The following EXOC4 variants were observed in gnomAD, a reference collection of about 807,000 sequenced individuals.
The protein encoded by EXOC4 is exocyst complex component 4.
A neutral mutation model predicts 107.2 loss-of-function variants in EXOC4; 71 were observed. The ratio of observed to expected loss-of-function variants is 0.66; its 90% CI spans 0.55 to 0.81. The LOEUF (loss-of-function observed/expected upper bound fraction) is 0.81, where lower values mean the gene tolerates loss of function less well. EXOC4 is among the 30% of genes least tolerant of loss of function. EXOC4 has a pLI of 0.00. For synonymous variants in EXOC4, 456 were observed against 441.2 expected, an observed-to-expected ratio of 1.03 and a Z score of -0.42; for missense variants, 1,108 against 1,189.6, an observed-to-expected ratio of 0.93 and a Z score of 1.01.
rs569679408 is a variant in EXOC4, at chr7:133,895,655, G to C, written c.1791G>C (p.Leu597Phe). ...VQDLLNLMHD[L>F]SAYSDQFLNM... ...ACCTCCTGAACCTGATGCATGACTTGAGTGCATATTCAGATCAATTCCTCA... is the reference window on the plus strand; with the variant it reads ...ACCTCCTGAACCTGATGCATGACTTCAGTGCATATTCAGATCAATTCCTCA... Residue 597 changes from leucine (L) to phenylalanine (F), a missense_variant, in exon 12 of 18, where the codon TTG becomes TTC. By Grantham distance (22) the Leu-to-Phe change is conservative (BLOSUM62 0). Transcript: ENST00000253861. The C allele has an allele frequency of 6.2e-7, 1 of 1,613,772 alleles. No homozygotes were observed. Among genetic ancestry groups the C allele is most frequent in the South Asian group, 1.1e-5 (1 of 91,072 alleles).
chr7:134,069,800 G>C (rs1796247755), downstream of EXOC4, among the ~76,000 whole-genome samples: 1 of 152,134 alleles, frequency 6.6e-6, no homozygotes, highest in Non-Finnish European at 1.5e-5. Flanking sequence ...GGAACTAATG[G>C]ATTCCCACCC....
intron 9 of EXOC4, among the ~76,000 whole-genome samples, chr7:133,537,179 C>T (rs746162465): frequency 4.6e-5 from 7 of 151,406 alleles, no homozygotes; most frequent in Non-Finnish European, 8.8e-5. Flanking sequence ...GAGATGGAGT[C>T]TCACTCTGTC....
At chr7:133,331,666 C>T (rs920847819) in intron 5 of EXOC4, among the ~76,000 whole-genome samples, 20 of 151,886 alleles carry the variant, frequency 1.3e-4, no homozygotes, top group African/African-American at 4.6e-4. Flanking sequence ...GGGGTTTCAC[C>T]GTGTTAGCCA....
chr7:133,412,465 A>G (rs945200296), intron 7 of EXOC4, among the ~76,000 whole-genome samples: 5 of 151,882 alleles, frequency 3.3e-5, no homozygotes, highest in African/African-American at 1.2e-4. Context: ...TTTCAGGTAT[A>G]AAGTGTTGTG....
At chr7:133,509,009 G>T (rs1799716685) in intron 9 of EXOC4, among the ~76,000 whole-genome samples, 1 of 152,104 alleles carries the variant, frequency 6.6e-6, no homozygotes, top group Non-Finnish European at 1.5e-5. Context: ...GAAACTGCTG[G>T]TTGCTTAGTA....
rs10688501 is a variant in EXOC4 at position 133,380,239 on chromosome 7, AAAAATAAAATAAAAT to A, written c.1182+5278_1182+5292del. Among the ~76,000 whole-genome samples, 1,000 of 137,796 alleles carry A rather than the reference AAAAATAAAATAAAAT, an allele frequency of 7.3e-3. 7 individuals are homozygous for A. The highest frequency in any genetic ancestry group is 0.016 in the African/African-American group (616 of 37,708). 90.4% of individuals were successfully genotyped at this position (137,796 alleles called of 152,430 possible). A position where few individuals can be genotyped will look rare whatever the true frequency, so the allele number is the denominator to read the frequency against. On this transcript the variant is annotated intron_variant, in intron 7 of 17. Coordinates refer to ENST00000253861, the MANE Select transcript of EXOC4 (RefSeq NM_021807.4). ...TGTACCCTAGAACTTAAAGTATAAT[AAAAATAAAATAAAAT>A]AAAATAAAATAAAATAAAATAAAAT...
chr7:133,297,813 C>T (rs773458328), intron 3 of EXOC4, among the ~76,000 whole-genome samples: 8 of 152,160 alleles, frequency 5.3e-5, no homozygotes, highest in Non-Finnish European at 1.0e-4. Context: ...TTAATGCATA[C>T]CGGTTTTAAT....
intron 11 of EXOC4, among the ~76,000 whole-genome samples, chr7:133,852,356 G>A (rs1798255823): frequency 1.3e-5 from 2 of 151,830 alleles, no homozygotes; most frequent in African/African-American, 4.8e-5. Flanking sequence ...CCGAGTAGCT[G>A]GGATTACATA....
intron 5 of EXOC4, among the ~76,000 whole-genome samples, chr7:133,326,113 C>T (rs1387692565): frequency 6.6e-6 from 1 of 152,188 alleles, no homozygotes; most frequent in Non-Finnish European, 1.5e-5. Flanking sequence ...AGCCATTCGT[C>T]TAATCTTTTT....
chr7:133,368,731 G>A lies in EXOC4; in HGVS notation c.1008-6097G>A, dbSNP rs116660826. Among the ~76,000 whole-genome samples the A allele has an allele frequency of 6.9e-3, 1,043 of 152,262 alleles. 8 individuals are homozygous for A. Among genetic ancestry groups the A allele is most frequent in the African/African-American group, 0.024 (1,012 of 41,542 alleles). On this transcript the variant is annotated intron_variant, in intron 6 of 17. Transcript: ENST00000253861. ...ATTAATATTTTCTTTCACTAACTGT[G>A]ATGCTGCATTGAGTATTACTACATA...
At chr7:133,944,116 A>G (rs570562874) in intron 14 of EXOC4, among the ~76,000 whole-genome samples, 1 of 152,282 alleles carries the variant, frequency 6.6e-6, no homozygotes, top group African/African-American at 2.4e-5. Context: ...CAAGTAATGA[A>G]TCAATATTGA....
rs146531749 is a variant in EXOC4, at chr7:133,817,391, T to G, written c.1581T>G (p.Phe527Leu). Reference protein sequence around the residue: ...GPAKQCPLREFLTVYIKNIFL... With the variant: ...GPAKQCPLRELLTVYIKNIFL... ...CCAAACAGTGTCCTCTTCGAGAGTT[T>G]CTCACCGTGTACATCAAAAACATCT... The change falls in exon 11 of 18, where the codon TTT becomes TTG. Residue 527 changes from phenylalanine (F) to leucine (L), a missense_variant. By Grantham distance (22) the Phe-to-Leu change is conservative. Coordinates refer to ENST00000253861, the MANE Select transcript of EXOC4 (RefSeq NM_021807.4). 8.1e-6 allele frequency: 13 copies of G among 1,614,028 alleles called. No homozygotes were observed. In the African/African-American group the frequency reaches 1.2e-4, roughly 15 times the overall value.
chr7:133,486,408 T>C (rs1032233792), intron 9 of EXOC4, among the ~76,000 whole-genome samples: 60 of 152,332 alleles, frequency 3.9e-4, no homozygotes, highest in African/African-American at 1.3e-3. Flanking sequence ...TATTTCACTT[T>C]TGCACACATT....
chr7:133,677,354 A>C (rs778112935), intron 10 of EXOC4, among the ~76,000 whole-genome samples: 4 of 152,288 alleles, frequency 2.6e-5, no homozygotes, highest in African/African-American at 9.6e-5. Flanking sequence ...GATTTGTTCC[A>C]TGATTTCATC....
intron 17 of EXOC4, among the ~76,000 whole-genome samples, chr7:134,035,180 G>A (rs925213843): frequency 1.1e-4 from 16 of 151,576 alleles, no homozygotes; most frequent in Non-Finnish European, 1.6e-4. Flanking sequence ...GGAGTAGCTG[G>A]GATTACAGGC....
chr7:133,669,004 A>ATTTTAT (rs1793879805), intron 10 of EXOC4, among the ~76,000 whole-genome samples: 1 of 118,450 alleles, frequency 8.4e-6, no homozygotes, highest in Admixed American at 9.6e-5. Flanking sequence ...TGTTCTCCCA[A>ATTTTAT]TTTTTTTTTT....
In EXOC4 at chr7:133,534,955, C is replaced by T. The variant is rs150438942; in HGVS notation, c.1417+54817C>T. Among the ~76,000 whole-genome samples the T allele has an allele frequency of 2.6e-3, 396 of 152,146 alleles. 2 individuals are homozygous for T. Among genetic ancestry groups the T allele is most frequent in the African/African-American group, 9.2e-3 (384 of 41,514 alleles). On this transcript the variant is annotated intron_variant, in intron 9 of 17. Coordinates refer to ENST00000253861, the MANE Select transcript of EXOC4 (RefSeq NM_021807.4). ...CTCAGTGATACTTGTATAGATGTGT[C>T]AACAGATTTGATGTTTTGTGCCTAT... is the stretch of plus-strand genomic sequence containing the variant.
chr7:133,821,850 ATATT>A (rs1797529622), intron 11 of EXOC4, among the ~76,000 whole-genome samples: 2 of 152,220 alleles, frequency 1.3e-5, no homozygotes. Context: ...GAAACACTCA[ATATT>A]TAATAAATGG....
chr7:133,908,291 G>A (rs1393587115), intron 12 of EXOC4, among the ~76,000 whole-genome samples: 1 of 152,242 alleles, frequency 6.6e-6, no homozygotes, highest in African/African-American at 2.4e-5. Context: ...CAATTCTGTT[G>A]AATTAGATTC....
Sources: allele counts gnomAD v4.1 joint callset (sites outside exome capture counted in the v4.1 genomes callset), GRCh38; gene constraint gnomAD v4.1.1; transcripts MANE v1.5; gene names NCBI Gene and HGNC (gene_info 2026-07-23, HGNC 2026-07-21).